The following COL21A1 variants were observed in gnomAD, a reference collection of about 807,000 sequenced individuals.
COL21A1 encodes collagen type XXI alpha 1 chain.
In COL21A1, 149 loss-of-function variants were observed where a neutral mutation model predicts 137.9. The observed-to-expected ratio is 1.08, with a 90% CI of 0.95 to 1.24. The LOEUF (loss-of-function observed/expected upper bound fraction) is 1.24. Among genes scored for constraint, COL21A1 ranks in the 50% most tolerant of loss-of-function variants. The pLI is 0.00. For synonymous variants in COL21A1, 456 were observed against 391.5 expected, an observed-to-expected ratio of 1.16 and a Z score of -1.95; for missense variants, 1,167 against 1,158.4, an observed-to-expected ratio of 1.01 and a Z score of -0.11.
intron 3 of COL21A1, among the ~76,000 whole-genome samples, 174 bp from the exon 4 acceptor site, chr6:56,171,302 G>C (rs970229033): frequency 6.6e-6 from 1 of 151,884 alleles, no homozygotes; most frequent in Non-Finnish European, 1.5e-5. Flanking sequence ...CTGAGAAAAT[G>C]TAGAAGTATT....
intron 3 of COL21A1, among the ~76,000 whole-genome samples, chr6:56,177,027 A>AGAG (rs1004434133): frequency 5.9e-5 from 9 of 151,298 alleles, no homozygotes; most frequent in African/African-American, 1.2e-4. Context: ...AGGAAGAAGA[A>AGAG]GAGGAGGAGG....
chr6:56,142,868 T>A (rs1450890279), intron 10 of COL21A1, among the ~76,000 whole-genome samples: 4 of 152,198 alleles, frequency 2.6e-5, no homozygotes, highest in Non-Finnish European at 5.9e-5. Flanking sequence ...TTAACACAGA[T>A]CTCATTAATG....
At chr6:56,174,484 T>C (rs1483751837) in intron 3 of COL21A1, among the ~76,000 whole-genome samples, 1 of 151,960 alleles carries the variant, frequency 6.6e-6, no homozygotes, top group Non-Finnish European at 1.5e-5. Flanking sequence ...GATATTACAA[T>C]TGATGCCACA....
At chr6:56,341,968 A>G (rs1034158277) in intron 1 of COL21A1, among the ~76,000 whole-genome samples, 2 of 152,244 alleles carry the variant, frequency 1.3e-5, no homozygotes, top group Non-Finnish European at 2.9e-5. Flanking sequence ...AAAAAATTAC[A>G]CTTGTAAAAA....
At chr6:56,284,656 A>G (rs1326830796) in intron 1 of COL21A1, among the ~76,000 whole-genome samples, 1 of 152,078 alleles carries the variant, frequency 6.6e-6, no homozygotes, top group African/African-American at 2.4e-5. Flanking sequence ...AAATTTTATT[A>G]TACCCTTCCT....
intron 1 of COL21A1, among the ~76,000 whole-genome samples, chr6:56,372,533 A>C (rs1390827606): frequency 6.6e-6 from 1 of 152,226 alleles, no homozygotes; most frequent in Non-Finnish European, 1.5e-5. Flanking sequence ...TACACTAATA[A>C]TGAACACAGC....
intron 17 of COL21A1, among the ~76,000 whole-genome samples, chr6:56,084,593 TAGATA>T (rs1485765114): frequency 2.0e-5 from 3 of 151,976 alleles, no homozygotes; most frequent in African/African-American, 7.2e-5. Context: ...ACAAAAGGAT[TAGATA>T]AAACTAATAA....
chr6:56,242,708 T>C (rs1004485381), intron 1 of COL21A1, among the ~76,000 whole-genome samples: 2 of 152,170 alleles, frequency 1.3e-5, no homozygotes, highest in South Asian at 2.1e-4. Flanking sequence ...AAAAATTATA[T>C]TGAATTCTTT....
intron 1 of COL21A1, among the ~76,000 whole-genome samples, chr6:56,210,046 G>A (rs143680249): frequency 0.033 from 4,964 of 151,846 alleles, 112 homozygotes; most frequent in Non-Finnish European, 0.049. Flanking sequence ...TCATAAGTAG[G>A]AGTTGAACAA....
chr6:56,090,538 C>G (rs9357887), intron 17 of COL21A1, among the ~76,000 whole-genome samples: 83,541 of 151,780 alleles, frequency 0.55, 23,299 homozygotes, highest in East Asian at 0.79. Flanking sequence ...TTGTAGAAGA[C>G]CAAAAAGTTA....
chr6:56,185,733 C>A (rs997743988), intron 1 of COL21A1, among the ~76,000 whole-genome samples: 4 of 152,026 alleles, frequency 2.6e-5, no homozygotes, highest in Non-Finnish European at 5.9e-5. Context: ...CCGCGCCCGG[C>A]CTGAACAAAG....
intron 1 of COL21A1, among the ~76,000 whole-genome samples, chr6:56,263,278 G>A (rs538328820): frequency 1.4e-3 from 220 of 152,144 alleles, no homozygotes; most frequent in African/African-American, 5.2e-3. Context: ...ATGAAGGAGA[G>A]GTTCCATTTT....
intron 5 of COL21A1, 32 bp from the exon 6 acceptor site, chr6:56,168,329 T>A: frequency 1.4e-6 from 2 of 1,471,812 alleles, no homozygotes; most frequent in Non-Finnish European, 1.8e-6. Flanking sequence ...GATTCATAAA[T>A]AAAGCCCCTA....
Position 56,263,838 on chromosome 6 carries a change from G to A in COL21A1, c.-38-81182C>T, listed in dbSNP as rs529923309. On this transcript the variant is annotated intron_variant, in intron 1 of 28. Transcript: ENST00000370819. ...ATAATAAGCTTCATACAATTCATGCGGTTATTTAAACATTTTCCTGATATT... is the reference window on the plus strand; with the variant it reads ...ATAATAAGCTTCATACAATTCATGCAGTTATTTAAACATTTTCCTGATATT... Among the ~76,000 whole-genome samples the A allele has an allele frequency of 5.9e-5, 9 of 152,110 alleles. No individual in the cohort carries two copies. In the South Asian group the frequency reaches 1.0e-3, roughly 18 times the overall value.
rs1052455104 is a variant in COL21A1, at chr6:56,372,174, T to C, written c.-39+21797A>G. Among the ~76,000 whole-genome samples, 4 of 152,216 alleles carry C rather than the reference T, an allele frequency of 2.6e-5. No individual in the cohort carries two copies. In the South Asian group the frequency reaches 6.2e-4, roughly 24 times the overall value. On this transcript the variant is annotated intron_variant, in intron 1 of 28. Transcript: ENST00000370819. The stretch of plus-strand genomic sequence containing the variant: ...CGGCTTCTAATCAAATGTTTACAAA[T>C]GGATTCCTGTACAAATCCACAAATC...
At chr6:56,141,547 G>A (rs1202445614) in intron 12 of COL21A1, among the ~76,000 whole-genome samples, 2 of 152,186 alleles carry the variant, frequency 1.3e-5, no homozygotes, top group African/African-American at 4.8e-5. Flanking sequence ...CACAGGGAGA[G>A]AACATGGCAT....
intron 12 of COL21A1, among the ~76,000 whole-genome samples, chr6:56,135,923 A>G (rs1259702580): frequency 2.7e-5 from 4 of 150,452 alleles, no homozygotes; most frequent in Non-Finnish European, 1.5e-5. Context: ...TCAGACTCCA[A>G]CCTCTTTGAG....
chr6:56,124,580 A>G (rs192193556), intron 14 of COL21A1, among the ~76,000 whole-genome samples: 1 of 152,310 alleles, frequency 6.6e-6, no homozygotes, highest in East Asian at 1.9e-4. Flanking sequence ...TTCTTCCCTC[A>G]GTGTGAGGAA....
chr6:56,204,431 C>T (rs1219153044), intron 1 of COL21A1, among the ~76,000 whole-genome samples: 1 of 152,172 alleles, frequency 6.6e-6, no homozygotes, highest in Non-Finnish European at 1.5e-5. Context: ...TAGATTCCTC[C>T]TCTCTGGGCA....
Sources: allele counts gnomAD v4.1 joint callset (sites outside exome capture counted in the v4.1 genomes callset), GRCh38; gene constraint gnomAD v4.1.1; transcripts MANE v1.5; gene names NCBI Gene and HGNC (gene_info 2026-07-23, HGNC 2026-07-21).